DLC1: variants seen among roughly 807,000 people sequenced by gnomAD.
DLC1 encodes the protein rho GTPase-activating protein 7.
A neutral mutation model predicts 140.3 loss-of-function variants in DLC1; 54 were observed. The observed-to-expected ratio is 0.38, with a 90% CI of 0.31 to 0.48. The LOEUF (loss-of-function observed/expected upper bound fraction) is 0.48, where lower values mean the gene tolerates loss of function less well. DLC1 is among the 20% of genes least tolerant of loss of function. The probability of loss-of-function intolerance (pLI) is 0.96; values close to 1 mark genes in which losing one functional copy is unlikely to be tolerated. For synonymous variants in DLC1, 986 were observed against 728.1 expected, an observed-to-expected ratio of 1.35 and a Z score of -5.70; for missense variants, 2,536 against 1,907.0, an observed-to-expected ratio of 1.33 and a Z score of -6.14.
At chr8:13,185,090 T>C (rs1826275849) in intron 5 of DLC1, among the ~76,000 whole-genome samples, 1 of 151,622 alleles carries the variant, frequency 6.6e-6, no homozygotes, top group Admixed American at 6.6e-5. Context: ...GTTTAAAGTC[T>C]GTTTTATCAG....
At chr8:13,476,134 T>C (rs1319443887) in intron 2 of DLC1, among the ~76,000 whole-genome samples, 1 of 152,244 alleles carries the variant, frequency 6.6e-6, no homozygotes. Flanking sequence ...TTACACTTTT[T>C]GTGCTTTAGA....
intron 4 of DLC1, among the ~76,000 whole-genome samples, chr8:13,355,741 G>T (rs1051438053): frequency 6.6e-6 from 1 of 152,100 alleles, no homozygotes; most frequent in Non-Finnish European, 1.5e-5. Flanking sequence ...GTCCTGGAAA[G>T]TATATTTTTT....
chr8:13,191,931 T>TTAC (rs1826777998), intron 5 of DLC1, among the ~76,000 whole-genome samples: 1 of 147,486 alleles, frequency 6.8e-6, no homozygotes, highest in Non-Finnish European at 1.5e-5. Flanking sequence ...GGCCTGATTA[T>TTAC]TATTATTATT....
chr8:13,110,161 A>G (rs996235451), intron 7 of DLC1, among the ~76,000 whole-genome samples: 5 of 151,650 alleles, frequency 3.3e-5, no homozygotes, highest in Non-Finnish European at 7.3e-5. Context: ...ACCTCACTAA[A>G]ACCTATAAGC....
At chr8:13,284,634 A>G (rs1402983933) in intron 5 of DLC1, among the ~76,000 whole-genome samples, 1 of 145,934 alleles carries the variant, frequency 6.9e-6, no homozygotes, top group African/African-American at 2.7e-5. Context: ...GAAGAGATCA[A>G]TACAATTGCT....
At chr8:13,589,423 G>T (rs1267545514) in intron 1 of DLC1, among the ~76,000 whole-genome samples, 1 of 152,096 alleles carries the variant, frequency 6.6e-6, no homozygotes, top group Non-Finnish European at 1.5e-5. Flanking sequence ...CTTTCTGACA[G>T]CTTTGAGATA....
intron 2 of DLC1, among the ~76,000 whole-genome samples, chr8:13,496,832 G>A (rs1040314422): frequency 9.6e-6 from 1 of 104,422 alleles, no homozygotes; most frequent in Non-Finnish European, 1.7e-5. Flanking sequence ...ATGGAGTTTC[G>A]CTGTGTCACC....
At position 13,100,321 on chromosome 8, in the gene DLC1, C is replaced by T. The variant is rs751109531; in HGVS notation, c.2016G>A (p.Glu672=). The T allele has an allele frequency of 1.2e-6, 2 of 1,614,058 alleles. No homozygotes were observed. The highest frequency in any genetic ancestry group is 1.7e-6 in the Non-Finnish European group (2 of 1,180,062). ...SKTRSLLKRM[E]SLKLKSSHHS... ...GATGGGAGCTCTTGAGCTTCAGGCTCTCCATCCGTTTCAGCAGACTGCGCG... is the reference window on the plus strand; with the variant it reads ...GATGGGAGCTCTTGAGCTTCAGGCTTTCCATCCGTTTCAGCAGACTGCGCG... The change falls in exon 9 of 18, where the codon GAG becomes GAA. Residue 672 remains glutamate, a synonymous_variant. Transcript: ENST00000276297.
intron 5 of DLC1, among the ~76,000 whole-genome samples, chr8:13,269,920 A>C (rs2117375789): frequency 6.7e-6 from 1 of 148,660 alleles, no homozygotes; most frequent in Non-Finnish European, 1.5e-5. Context: ...AAAAAAAATT[A>C]GGTGGGCATG....
intron 1 of DLC1, among the ~76,000 whole-genome samples, chr8:13,601,959 A>T (rs1466754562): frequency 1.3e-5 from 2 of 151,820 alleles, no homozygotes; most frequent in East Asian, 3.9e-4. Flanking sequence ...TTTCCAATTA[A>T]AATATATGGC....
intron 4 of DLC1, among the ~76,000 whole-genome samples, chr8:13,392,961 C>G (rs1385145970): frequency 3.3e-5 from 5 of 152,108 alleles, no homozygotes; most frequent in Non-Finnish European, 5.9e-5. Flanking sequence ...TCATTTAATT[C>G]CCACAGAAAA....
In DLC1 at chr8:13,401,601, C is replaced by G. The variant is rs781368372; in HGVS notation, c.1042G>C (p.Asp348His). 25 of 1,613,246 alleles carry G rather than the reference C, an allele frequency of 1.5e-5. No individual in the cohort carries two copies. The East Asian group carries it at 5.3e-4, about 35-fold the overall frequency. ...RKRKEIREDR[D>H]RARLDSMVLL... is the part of the protein sequence containing the mutation. ...ACCATGGAGTCCAGCCGCGCCCTAT[C>G]TCGATCTTCTCTTATTTCCTGAGGA... Residue 348 changes from aspartate (D) to histidine (H), a missense_variant, in exon 3 of 18, where the codon GAT becomes CAT. Coordinates refer to ENST00000276297, the MANE Select transcript of DLC1 (RefSeq NM_182643.3).
intron 1 of DLC1, among the ~76,000 whole-genome samples, chr8:13,587,056 G>C (rs1805344335): frequency 6.9e-6 from 1 of 144,448 alleles, no homozygotes; most frequent in South Asian, 2.3e-4. Context: ...TATAAAACAA[G>C]CTCCACTTGG....
At chr8:13,582,693 TA>T (rs1250874897) in intron 1 of DLC1, among the ~76,000 whole-genome samples, 12 of 151,604 alleles carry the variant, frequency 7.9e-5, no homozygotes, top group African/African-American at 2.7e-4. Context: ...TCCATATATA[TA>T]TATATTTTTT....
At chr8:13,508,070 G>C (rs1306170268) in intron 1 of DLC1, among the ~76,000 whole-genome samples, 1 of 152,178 alleles carries the variant, frequency 6.6e-6, no homozygotes, top group Admixed American at 6.5e-5. Context: ...CATGAGAAAA[G>C]AGCAGGGTGT....
intron 5 of DLC1, among the ~76,000 whole-genome samples, chr8:13,290,407 T>C (rs1831712345): frequency 6.6e-6 from 1 of 152,220 alleles, no homozygotes; most frequent in Non-Finnish European, 1.5e-5. Flanking sequence ...ACAAGTATTC[T>C]AGAAAATTAT....
chr8:13,456,912 T>A (rs774638080), intron 2 of DLC1, among the ~76,000 whole-genome samples: 2 of 152,196 alleles, frequency 1.3e-5, no homozygotes, highest in Non-Finnish European at 2.9e-5. Context: ...AGAAAATCAA[T>A]TAAATCGGCA....
intron 3 of DLC1, among the ~76,000 whole-genome samples, chr8:13,394,189 G>A (rs538074891): frequency 1.7e-4 from 26 of 152,240 alleles, no homozygotes; most frequent in South Asian, 6.2e-4. Context: ...CAGCTATTAC[G>A]GTGGCCTGGA....
At position 13,416,199 on chromosome 8, in the gene DLC1, T is replaced by A. The variant is rs369537258; in HGVS notation, c.1024-14580A>T. On this transcript the variant is annotated intron_variant, in intron 2 of 17. Transcript: ENST00000276297. ...GGTCCTGTTTCACTGTCTTTCTACA[T>A]CCTAAGTTTCATGTGTATAAAATTT... Among the ~76,000 whole-genome samples, 10 of 152,280 alleles carry A rather than the reference T, an allele frequency of 6.6e-5. No homozygotes were observed. In the East Asian group the frequency reaches 1.7e-3, roughly 26 times the overall value.
Sources: allele counts gnomAD v4.1 joint callset (sites outside exome capture counted in the v4.1 genomes callset), GRCh38; gene constraint gnomAD v4.1.1; transcripts MANE v1.5; gene names NCBI Gene and HGNC (gene_info 2026-07-23, HGNC 2026-07-21).